The following IGF2BP3 variants were observed in gnomAD, a reference collection of about 807,000 sequenced individuals.
IGF2BP3 encodes the protein insulin-like growth factor 2 mRNA-binding protein 3.
In IGF2BP3, 9 loss-of-function variants were observed where a neutral mutation model predicts 73.8. The observed-to-expected ratio is 0.12, with a 90% CI of 0.07 to 0.21. The LOEUF (loss-of-function observed/expected upper bound fraction) is 0.21. Among genes scored for constraint, IGF2BP3 ranks in the 10% least tolerant of loss-of-function variants. IGF2BP3 has a pLI of 1.00. For synonymous variants in IGF2BP3, 258 were observed against 256.7 expected, an observed-to-expected ratio of 1.01 and a Z score of -0.05; for missense variants, 542 against 714.0, an observed-to-expected ratio of 0.76 and a Z score of 2.75.
At chr7:23,326,104 G>A (rs1400895037) in intron 10 of IGF2BP3, among the ~76,000 whole-genome samples, 1 of 152,104 alleles carries the variant, frequency 6.6e-6, no homozygotes, top group Non-Finnish European at 1.5e-5. Context: ...CACAGCAAAA[G>A]AAACTACCAT....
In IGF2BP3 at chr7:23,417,421, A is replaced by G. The variant is rs1405669664; in HGVS notation, c.285+1355T>C. ...AGTAAAGTGAAATACAAAAATTAAG[A>G]AAAGTTAGATACGGCAAATACCCAG... On this transcript the variant is annotated intron_variant, in intron 3 of 14. Transcript: ENST00000258729. 3.3e-5 allele frequency among the ~76,000 whole-genome samples: 5 copies of G among 152,306 alleles called. No homozygotes were observed. The East Asian group carries it at 9.6e-4, about 29-fold the overall frequency.
At chr7:23,386,848 C>G (rs1315524220) in intron 3 of IGF2BP3, among the ~76,000 whole-genome samples, 2 of 152,088 alleles carry the variant, frequency 1.3e-5, no homozygotes, top group Non-Finnish European at 2.9e-5. Context: ...AGGTGGATCA[C>G]CTGAGGTCAG....
In IGF2BP3 at chr7:23,388,607, CTTTTTTT is replaced by C. The variant is rs35723715; in HGVS notation, c.286-26873_286-26867del. Among the ~76,000 whole-genome samples the C allele has an allele frequency of 5.3e-4, 66 of 124,020 alleles. 3 individuals carry two copies. In the South Asian group the frequency reaches 0.015, roughly 27 times the overall value. 81.4% of individuals were successfully genotyped at this position (124,020 alleles called of 152,430 possible). ...TATGCAGATGAGTGGTCTTCTCCATCTTTTTTTTTTTTTTTTTTTTTCCAGTCCAAGA... is the reference window on the plus strand; with the variant it reads ...TATGCAGATGAGTGGTCTTCTCCATCTTTTTTTTTTTTTTCCAGTCCAAGA... On this transcript the variant is annotated intron_variant, in intron 3 of 14. Coordinates refer to ENST00000258729, the MANE Select transcript of IGF2BP3 (RefSeq NM_006547.3).
intron 2 of IGF2BP3, among the ~76,000 whole-genome samples, chr7:23,427,882 C>G (rs1787556640): frequency 6.6e-6 from 1 of 152,178 alleles, no homozygotes; most frequent in African/African-American, 2.4e-5. Context: ...TGGCCGGCAT[C>G]TGTAATCCCA....
chr7:23,353,311 C>T (rs1785013198), intron 5 of IGF2BP3, among the ~76,000 whole-genome samples: 1 of 152,012 alleles, frequency 6.6e-6, no homozygotes. Flanking sequence ...GTTCTAGTAC[C>T]AAAAAGGTCA....
chr7:23,362,641 A>G (rs1367002479), intron 3 of IGF2BP3: 1 of 152,268 alleles, frequency 6.6e-6, no homozygotes, highest in African/African-American at 2.4e-5. Flanking sequence ...TCTCATCAAT[A>G]TAAACCAAAT....
At chr7:23,327,047 C>T (rs1445519172) in intron 10 of IGF2BP3, among the ~76,000 whole-genome samples, 1 of 150,560 alleles carries the variant, frequency 6.6e-6, no homozygotes, top group Non-Finnish European at 1.5e-5. Context: ...TGCACATGTA[C>T]CCTAAAACTT....
At chr7:23,442,961 G>A (rs1462481813) in intron 2 of IGF2BP3, among the ~76,000 whole-genome samples, 1 of 152,040 alleles carries the variant, frequency 6.6e-6, no homozygotes, top group African/African-American at 2.4e-5. Context: ...TTTGGAAGCA[G>A]TTTAGTGAAA....
chr7:23,412,340 T>A (rs982879388), intron 3 of IGF2BP3, among the ~76,000 whole-genome samples: 1 of 152,216 alleles, frequency 6.6e-6, no homozygotes, highest in African/African-American at 2.4e-5. Flanking sequence ...AGAGCCTCAC[T>A]TAATACTCAT....
intron 3 of IGF2BP3, among the ~76,000 whole-genome samples, chr7:23,399,929 T>A (rs934028293): frequency 6.6e-6 from 1 of 152,126 alleles, no homozygotes; most frequent in African/African-American, 2.4e-5. Context: ...TTCTACACCA[T>A]CTCCCACTGA....
Position 23,367,973 on chromosome 7 carries a change from C to T in IGF2BP3, c.286-6232G>A, listed in dbSNP as rs976055849. On this transcript the variant is annotated intron_variant, in intron 3 of 14. Coordinates refer to ENST00000258729, the MANE Select transcript of IGF2BP3 (RefSeq NM_006547.3). Reference sequence around the variant, plus strand: ...TGAGATTGCACCACTGCACTCCAGCCTGGGCAACAGATAGAGACTCCATCT... The same window carrying T: ...TGAGATTGCACCACTGCACTCCAGCTTGGGCAACAGATAGAGACTCCATCT... Among the ~76,000 whole-genome samples the T allele has an allele frequency of 5.9e-5, 9 of 151,958 alleles. No individual in the cohort carries two copies. In the East Asian group the frequency reaches 7.7e-4, roughly 13 times the overall value.
At chr7:23,430,463 C>G (rs1787644804) in intron 2 of IGF2BP3, among the ~76,000 whole-genome samples, 1 of 152,234 alleles carries the variant, frequency 6.6e-6, no homozygotes, top group African/African-American at 2.4e-5. Context: ...TCAAAGCAGT[C>G]TAGCATGGGC....
intron 3 of IGF2BP3, among the ~76,000 whole-genome samples, chr7:23,391,328 G>T (rs187812829): frequency 6.6e-6 from 1 of 151,880 alleles, no homozygotes; most frequent in Non-Finnish European, 1.5e-5. Flanking sequence ...TCGAATTCCC[G>T]ACTTCAAATG....
rs140568264 is a variant in IGF2BP3 at position 23,411,286 on chromosome 7, C to T, written c.285+7490G>A. ...GTTAGCTTTATGTTGCCAATTACAC[C>T]TAAAATGCTTCTCAGCCAGGCACAG... On this transcript the variant is annotated intron_variant, in intron 3 of 14. Transcript: ENST00000258729. Among the ~76,000 whole-genome samples the T allele has an allele frequency of 1.7e-3, 256 of 152,256 alleles. 2 individuals carry two copies. Among genetic ancestry groups the T allele is most frequent in the African/African-American group, 5.9e-3 (246 of 41,550 alleles).
intron 10 of IGF2BP3, among the ~76,000 whole-genome samples, chr7:23,335,628 C>T (rs920725694): frequency 2.0e-5 from 3 of 152,066 alleles, no homozygotes; most frequent in Non-Finnish European, 4.4e-5. Context: ...ATCTCTCTTG[C>T]CTCTTTCATA....
chr7:23,369,741 G>A (rs1183007522), intron 3 of IGF2BP3, among the ~76,000 whole-genome samples: 1 of 151,930 alleles, frequency 6.6e-6, no homozygotes, highest in African/African-American at 2.4e-5. Context: ...TTAAAAAACT[G>A]TCTTTGACCT....
At chr7:23,354,278 C>T (rs1408446441) in intron 5 of IGF2BP3, among the ~76,000 whole-genome samples, 2 of 152,206 alleles carry the variant, frequency 1.3e-5, no homozygotes, top group African/African-American at 4.8e-5. Context: ...CAGGAGTGAG[C>T]CACCACACCT....
Position 23,418,767 on chromosome 7 carries a change from A to G in IGF2BP3, c.285+9T>C, listed in dbSNP as rs760715843. On this transcript the variant is annotated intron_variant, in intron 3 of 14. Coordinates refer to ENST00000258729, the MANE Select transcript of IGF2BP3 (RefSeq NM_006547.3). ...CTTAGATCTTAATTTTAAATACAGA[A>G]ATTCTTACCTCCCACTGTAAATGAG... is the stretch of plus-strand genomic sequence containing the variant. 5.8e-6 allele frequency: 9 copies of G among 1,555,754 alleles called. No homozygotes were observed. Among genetic ancestry groups the G allele is most frequent in the South Asian group, 1.2e-5 (1 of 85,850 alleles).
At chr7:23,412,842 CTTTTTTTTTTTTTTTTT>C (rs557467066) in intron 3 of IGF2BP3, among the ~76,000 whole-genome samples, 24 of 37,020 alleles carry the variant, frequency 6.5e-4, no homozygotes, top group Admixed American at 4.4e-3. Flanking sequence ...AGACTCTGGC[CTTTTTTTTTTTTTTTTT>C]TTTTTTTTTT....
Sources: allele counts gnomAD v4.1 joint callset (sites outside exome capture counted in the v4.1 genomes callset), GRCh38; gene constraint gnomAD v4.1.1; transcripts MANE v1.5; gene names NCBI Gene and HGNC (gene_info 2026-07-23, HGNC 2026-07-21).